Variants in GDF10 observed in about 807,000 individuals in gnomAD.
GDF10 encodes the protein growth/differentiation factor 10.
A neutral mutation model predicts 32.1 loss-of-function variants in GDF10; 23 were observed. That is an observed-to-expected ratio of 0.72 (90% confidence interval 0.52 to 1.02). The LOEUF is 1.02. GDF10 is among the 50% of genes least tolerant of loss of function. The pLI is 0.00. For synonymous variants in GDF10, 328 were observed against 303.1 expected (o/e 1.08, Z -0.85); for missense variants, 764 against 673.9 (o/e 1.13, Z -1.48).
chr10:47,301,395 C>T (rs547788630), intron 1 of GDF10, among the ~76,000 whole-genome samples: 1 of 152,344 alleles, frequency 6.6e-6, no homozygotes, highest in East Asian at 1.9e-4. Flanking sequence ...AAGCAGGAGC[C>T]CCTAGCTGGC....
In GDF10 at chr10:47,300,836, A is replaced by T; in HGVS notation, c.185A>T (p.Asp62Val). Residue 62 changes from aspartate (D) to valine (V), a missense_variant, in exon 1 of 3, where the codon GAC (aspartate) becomes GTC (valine). By Grantham distance (152) the Asp-to-Val change is radical. Transcript: ENST00000580279. ...GDRDLQRHPG[D>V]AAATLGPSAQ... ...AGGGATCTCCAGCGGCACCCTGGGGACGCGGCCGCCACGTTGGGCCCCAGC... is the reference window on the plus strand; with the variant it reads ...AGGGATCTCCAGCGGCACCCTGGGGTCGCGGCCGCCACGTTGGGCCCCAGC... 6.3e-7 allele frequency: 1 copy of T among 1,575,028 alleles called. No individual in the cohort carries two copies. The highest frequency in any genetic ancestry group is 8.6e-7 in the Non-Finnish European group (1 of 1,167,986).
intron 2 of GDF10, 167 bp downstream of exon 2, chr10:47,310,888 C>T (rs1489127892): frequency 3.3e-6 from 2 of 599,266 alleles, no homozygotes; most frequent in African/African-American, 3.7e-5. Flanking sequence ...CAAGTGGCAG[C>T]CCGTAGGGTA....
intron 1 of GDF10, 102 bp downstream of exon 1, chr10:47,301,072 G>A (rs2061003194): frequency 2.7e-6 from 2 of 741,702 alleles, no homozygotes; most frequent in Middle Eastern, 2.5e-4. Context: ...TCTAGCCAAC[G>A]GGTGAGTGGT....
At chr10:47,301,380 T>C (rs1200908787) in intron 1 of GDF10, among the ~76,000 whole-genome samples, 2 of 152,222 alleles carry the variant, frequency 1.3e-5, no homozygotes, top group East Asian at 3.8e-4. Context: ...CTGGGCCCTG[T>C]CAGGAAGCAG....
chr10:47,310,097 C>A lies in GDF10; in HGVS notation c.621C>A (p.Ser207=), dbSNP rs1464128245. The A allele has an allele frequency of 2.2e-5, 35 of 1,609,034 alleles. No individual in the cohort carries two copies. Among genetic ancestry groups the A allele is most frequent in the African/African-American group, 4.0e-5 (3 of 74,906 alleles). Residue 207 remains serine (S), a synonymous_variant, in exon 2 of 3, where the codon TCC becomes TCA. Transcript: ENST00000580279. Reference sequence around the variant, plus strand: ...GCCTGTGGCAGGCCAAGGACATCTCCCCCATCGTCAAGGCGGCCCGCCGGG... The same window carrying A: ...GCCTGTGGCAGGCCAAGGACATCTCACCCATCGTCAAGGCGGCCCGCCGGG... ...PRGLWQAKDI[S]PIVKAARRDG...
intron 1 of GDF10, among the ~76,000 whole-genome samples, chr10:47,306,133 A>G (rs1017102326): frequency 5.9e-5 from 9 of 152,142 alleles, no homozygotes; most frequent in African/African-American, 2.2e-4. Context: ...ACCGCTCCCT[A>G]CTCTCTTCAT....
At chr10:47,306,224 A>T (rs2061022637) in intron 1 of GDF10, among the ~76,000 whole-genome samples, 1 of 152,238 alleles carries the variant, frequency 6.6e-6, no homozygotes, top group Admixed American at 6.5e-5. Context: ...TGTCATAATT[A>T]ATAAACAATT....
rs1243936352 is a variant in GDF10, at chr10:47,313,207, C to T, written c.*415C>T. The T allele has an allele frequency of 1.9e-5, 3 of 156,446 alleles. No individual in the cohort carries two copies. Among genetic ancestry groups the T allele is most frequent in the African/African-American group, 4.8e-5 (2 of 41,772 alleles). 9.7% of individuals were successfully genotyped at this position (156,446 alleles called of 1,614,324 possible). A position where few individuals can be genotyped will look rare whatever the true frequency, so the allele number is the denominator to read the frequency against. ...AATGCTCAGTTCAGAACACTTTGGG[C>T]CACATAGTGATTTTGGAAAACAGGA... On this transcript the variant is annotated 3_prime_UTR_variant, in exon 3 of 3. Transcript: ENST00000580279.
chr10:47,301,722 G>A (rs1221257209), intron 1 of GDF10, among the ~76,000 whole-genome samples: 3 of 152,212 alleles, frequency 2.0e-5, no homozygotes, highest in Non-Finnish European at 2.9e-5. Flanking sequence ...AGGAGGTGCA[G>A]CCAGGGCCAC....
In GDF10 at chr10:47,310,396, A is replaced by G; in HGVS notation, c.920A>G (p.Asp307Gly). The change falls in exon 2 of 3, where the codon GAT becomes GGT. Residue 307 changes from aspartate to glycine, a missense_variant. Coordinates refer to ENST00000580279, the MANE Select transcript of GDF10 (RefSeq NM_004962.5). ...PLQDNELPGL[D>G]ERPPRAHAQH... is the part of the protein sequence containing the mutation. Reference sequence around the variant, plus strand: ...CAGGACAACGAGCTGCCGGGGCTGGATGAGAGGCCGCCGCGCGCCCACGCA... The same window carrying G: ...CAGGACAACGAGCTGCCGGGGCTGGGTGAGAGGCCGCCGCGCGCCCACGCA... 1 of 1,609,720 alleles carries G rather than the reference A, an allele frequency of 6.2e-7. No homozygotes were observed. The highest frequency in any genetic ancestry group is 8.5e-7 in the Non-Finnish European group (1 of 1,178,878).
chr10:47,302,250 G>A (rs1206761619), intron 1 of GDF10, among the ~76,000 whole-genome samples: 1 of 152,244 alleles, frequency 6.6e-6, no homozygotes, highest in Non-Finnish European at 1.5e-5. Flanking sequence ...GGCAAGGCTT[G>A]CCAATATCTC....
intron 1 of GDF10, among the ~76,000 whole-genome samples, chr10:47,309,464 C>T (rs1160075951): frequency 6.6e-6 from 1 of 152,210 alleles, no homozygotes; most frequent in African/African-American, 2.4e-5. Context: ...CAGTAGAGGG[C>T]AGGGGGAGCA....
In GDF10 at chr10:47,309,787, C is replaced by T. The variant is rs1555207403; in HGVS notation, c.320-9C>T. Reference sequence around the variant, plus strand: ...ACTTCACAGCCTGTGGTCTCTCCTTCCCTCACAGAAGTGGTCGACCAGAAG... The same window carrying T: ...ACTTCACAGCCTGTGGTCTCTCCTTTCCTCACAGAAGTGGTCGACCAGAAG... On this transcript the variant is annotated splice_polypyrimidine_tract_variant and intron_variant, in intron 1 of 2. Coordinates refer to ENST00000580279, the MANE Select transcript of GDF10 (RefSeq NM_004962.5). 1 of 1,588,282 alleles carries T rather than the reference C, an allele frequency of 6.3e-7. No individual in the cohort carries two copies. The highest frequency in any genetic ancestry group is 2.2e-5 in the East Asian group (1 of 44,586).
intron 2 of GDF10, 72 bp downstream of exon 2, chr10:47,310,793 C>G (rs782218184): frequency 8.7e-6 from 9 of 1,030,898 alleles, no homozygotes; most frequent in Non-Finnish European, 1.3e-5. Context: ...CCTCAGCCTG[C>G]AGGACTTCTG....
rs1202417751 is a variant in GDF10 at position 47,312,788 on chromosome 10, G to A, written c.1433G>A (p.Arg478Gln). 2.8e-5 allele frequency: 44 copies of A among 1,568,838 alleles called. No homozygotes were observed. The highest frequency in any genetic ancestry group is 3.5e-5 in the Non-Finnish European group (41 of 1,155,184). The change falls in exon 3 of 3, where the codon CGG becomes CAG. Residue 478 changes from arginine (R) to glutamine (Q), a missense_variant. Coordinates refer to ENST00000580279, the MANE Select transcript of GDF10 (RefSeq NM_004962.5). Reference protein sequence around the residue: ...PNMSVDTCACR With the variant: ...PNMSVDTCACQ The stretch of plus-strand genomic sequence containing the variant: ...ATGTCCGTGGACACCTGTGCCTGCC[G>A]GTGAGACCACTCCAGGGTGGAAAGA...
chr10:47,304,095 A>G (rs1378296013), intron 1 of GDF10, among the ~76,000 whole-genome samples: 1 of 152,206 alleles, frequency 6.6e-6, no homozygotes, highest in Non-Finnish European at 1.5e-5. Flanking sequence ...AAGCCTTCCC[A>G]GAGCAGGCCA....
rs782092993 is a variant in GDF10 at position 47,310,198 on chromosome 10, C to T, written c.722C>T (p.Ala241Val). ...GGGGTGCCCCGGCCCAGCCCCTATG[C>T]GCCCTACATCCTAGTCTATGCCAAC... ...DPGVPRPSPY[A>V]PYILVYANDL... The change falls in exon 2 of 3, where the codon GCG becomes GTG. Residue 241 changes from alanine (A) to valine (V), a missense_variant. Transcript: ENST00000580279. 3 of 1,610,846 alleles carry T rather than the reference C, an allele frequency of 1.9e-6. No individual in the cohort carries two copies. The highest frequency in any genetic ancestry group is 1.1e-5 in the South Asian group (1 of 90,692).
intron 1 of GDF10, among the ~76,000 whole-genome samples, chr10:47,308,958 G>A (rs973612719): frequency 6.6e-6 from 1 of 152,198 alleles, no homozygotes; most frequent in Non-Finnish European, 1.5e-5. Flanking sequence ...GTGCTGCCCT[G>A]GTGCCCTGGG....
At position 47,300,930 on chromosome 10, in the gene GDF10, G is replaced by A. The variant is rs200131733; in HGVS notation, c.279G>A (p.Pro93=). ...YEKYSRQGAR[P]GGGNTVRSFR... ...AGTACAGCCGGCAGGGCGCGCGGCC[G>A]GGAGGGGGCAACACGGTCCGCAGCT... The change falls in exon 1 of 3, where the codon CCG becomes CCA. Residue 93 remains proline, a synonymous_variant. Coordinates refer to ENST00000580279, the MANE Select transcript of GDF10 (RefSeq NM_004962.5). 8.4e-6 allele frequency: 13 copies of A among 1,544,520 alleles called. 1 individual carries two copies. The highest frequency in any genetic ancestry group is 7.3e-5 in the East Asian group (3 of 41,030).
Sources: gnomAD v4.1 joint callset for allele counts (sites outside exome capture counted in the v4.1 genomes callset) on GRCh38, gnomAD v4.1.1 for gene constraint, MANE v1.5 for transcripts, NCBI Gene and HGNC (gene_info 2026-07-23, HGNC 2026-07-21) for gene names.